HERC2: variants seen among roughly 807,000 people sequenced by gnomAD.
HERC2 encodes the protein HECT and RLD domain containing E3 ubiquitin protein ligase 2.
HERC2 carries 102 observed loss-of-function variants against 537.7 expected under a neutral mutation model. The observed-to-expected ratio is 0.19, with a 90% CI of 0.16 to 0.22. The LOEUF is 0.22. Ranked by LOEUF, HERC2 falls within the 10% of genes least tolerant of loss-of-function variation. The probability of loss-of-function intolerance (pLI) is 1.00; values close to 1 mark genes in which losing one functional copy is unlikely to be tolerated. For missense variants in HERC2, 4,236 were observed against 6,198.2 expected (o/e 0.68, Z 10.63); for synonymous variants, 2,224 against 2,466.2 (o/e 0.90, Z 2.91).
At chr15:28,317,639 G>A (rs1424037628) in intron 2 of HERC2, among the ~76,000 whole-genome samples, 1 of 152,218 alleles carries the variant, frequency 6.6e-6, no homozygotes, top group East Asian at 1.9e-4. Context: ...TGGTTGTCAG[G>A]AGTTAGAGAT....
intron 53 of HERC2, among the ~76,000 whole-genome samples, 165 bp from the exon 54 acceptor site, chr15:28,191,409 C>T (rs555584761): frequency 1.3e-5 from 2 of 152,272 alleles, no homozygotes; most frequent in African/African-American, 2.4e-5. Context: ...GAATATTCTA[C>T]GCCATTCTTT....
rs779514776 is a variant in HERC2 at position 28,304,165 on chromosome 15, CAAAAAAAAAAAAAAAAA to C, written c.73-4666_73-4650del. Among the ~76,000 whole-genome samples the C allele has an allele frequency of 1.3e-3, 86 of 63,824 alleles. 2 individuals carry two copies. Among genetic ancestry groups the C allele is most frequent in the Middle Eastern group, 0.018 (1 of 56 alleles). The allele number at this position is 63,824 out of a possible 152,430, so 41.9% of individuals were successfully genotyped here. A position where few individuals can be genotyped will look rare whatever the true frequency, so the allele number is the denominator to read the frequency against. ...TGGGCCACAGAGTGAGACTCCATCT[CAAAAAAAAAAAAAAAAA>C]AAAAAAAAAACAGAGAAATGCTACA... is the stretch of plus-strand genomic sequence containing the variant. On this transcript the variant is annotated intron_variant, in intron 2 of 92. Coordinates refer to ENST00000261609, the MANE Select transcript of HERC2 (RefSeq NM_004667.6).
rs528026178 is a variant in HERC2 at position 28,223,112 on chromosome 15, T to C, written c.5465-897A>G. Among the ~76,000 whole-genome samples the C allele has an allele frequency of 7.9e-5, 12 of 152,240 alleles. No homozygotes were observed. The South Asian group carries it at 1.0e-3, about 13-fold the overall frequency. The stretch of plus-strand genomic sequence containing the variant: ...GGGTGGTCTTGGAGACCCCTGACAA[T>C]TGGTGCCCTGGGTGGCTACAGAGTC... On this transcript the variant is annotated intron_variant, in intron 35 of 92. Transcript: ENST00000261609.
intron 69 of HERC2, among the ~76,000 whole-genome samples, chr15:28,156,728 T>C (rs187564391): frequency 1.9e-4 from 29 of 152,360 alleles, no homozygotes; most frequent in African/African-American, 4.8e-4. Flanking sequence ...CTTGTTCTAA[T>C]TGAATACCCT....
intron 69 of HERC2, among the ~76,000 whole-genome samples, chr15:28,154,236 T>C (rs1892756404): frequency 6.6e-6 from 1 of 152,230 alleles, no homozygotes; most frequent in Non-Finnish European, 1.5e-5. Flanking sequence ...AGATTATTCT[T>C]TTTTCTATTA....
chr15:28,293,100 C>T, intron 3 of HERC2, 78 bp from the exon 4 acceptor site: 4 of 1,315,110 alleles, frequency 3.0e-6, no homozygotes, highest in South Asian at 2.8e-5. Flanking sequence ...TGTCCCTCCC[C>T]GAAAAGTTAC....
At chr15:28,280,502 A>AG (rs2075993378) in intron 4 of HERC2, among the ~76,000 whole-genome samples, 1 of 152,188 alleles carries the variant, frequency 6.6e-6, no homozygotes, top group African/African-American at 2.4e-5. Flanking sequence ...GAAGAAACTG[A>AG]GGCACCAAGT....
intron 30 of HERC2, among the ~76,000 whole-genome samples, chr15:28,230,772 G>A (rs551835651): frequency 2.0e-5 from 3 of 151,826 alleles, no homozygotes; most frequent in East Asian, 4.0e-4. Context: ...GTGAACATTT[G>A]AGTCTTTCAG....
chr15:28,151,788 C>A (rs1892481815), intron 70 of HERC2, among the ~76,000 whole-genome samples: 1 of 151,546 alleles, frequency 6.6e-6, no homozygotes, highest in South Asian at 2.1e-4. Context: ...AAACAGGTCA[C>A]CTTCAAGAAA....
chr15:28,289,304 G>T (rs1431049837), intron 4 of HERC2, among the ~76,000 whole-genome samples: 1 of 152,138 alleles, frequency 6.6e-6, no homozygotes, highest in Non-Finnish European at 1.5e-5. Context: ...AAGGAGAGTA[G>T]TCAGACCAAG....
At chr15:28,294,052 A>G (rs1300103311) in intron 3 of HERC2, among the ~76,000 whole-genome samples, 2 of 152,216 alleles carry the variant, frequency 1.3e-5, no homozygotes, top group African/African-American at 4.8e-5. Flanking sequence ...AATAATGACT[A>G]TCTAAAAATC....
chr15:28,214,883 ATTTTTTT>A lies in HERC2; in HGVS notation c.6211-88_6211-82del, dbSNP rs900510035. On this transcript the variant is annotated intron_variant, in intron 39 of 92. Transcript: ENST00000261609. ...ACAGATTGTTATTTTTTTATTTTTTATTTTTTTGAGACAGAGTCTCACACTGTCACCC... is the reference window on the plus strand; with the variant it reads ...ACAGATTGTTATTTTTTTATTTTTTAGAGACAGAGTCTCACACTGTCACCC... 7 of 1,266,626 alleles carry A rather than the reference ATTTTTTT, an allele frequency of 5.5e-6. No homozygotes were observed. The African/African-American group carries it at 1.1e-4, about 19-fold the overall frequency. The allele number at this position is 1,266,626 out of a possible 1,614,324, so 78.5% of individuals were successfully genotyped here. A position where few individuals can be genotyped will look rare whatever the true frequency, so the allele number is the denominator to read the frequency against.
intron 55 of HERC2, 32 bp downstream of exon 55, chr15:28,190,933 C>T: frequency 7.0e-7 from 1 of 1,428,640 alleles, no homozygotes; most frequent in Non-Finnish European, 9.9e-7. Flanking sequence ...ATCTGTAAAT[C>T]ATCCAAATGG....
At chr15:28,266,022 T>C (rs2075558410) in intron 12 of HERC2, 48 bp from the exon 13 acceptor site, 3 of 1,593,812 alleles carry the variant, frequency 1.9e-6, no homozygotes, top group Middle Eastern at 3.4e-4. Context: ...CTTGGTGTTA[T>C]TTCTTATTAA....
At chr15:28,140,012 G>A (rs1891046442) in intron 78 of HERC2, among the ~76,000 whole-genome samples, 1 of 151,474 alleles carries the variant, frequency 6.6e-6, no homozygotes, top group African/African-American at 2.4e-5. Context: ...AGGTTGTAGT[G>A]AGCCGAGACT....
At chr15:28,269,555 C>G in intron 10 of HERC2, 119 bp from the exon 11 acceptor site, 3 of 757,052 alleles carry the variant, frequency 4.0e-6, no homozygotes, top group African/African-American at 1.8e-5. Context: ...TATGCTGATT[C>G]AAAACATCAA....
intron 2 of HERC2, among the ~76,000 whole-genome samples, chr15:28,300,037 A>G (rs928556649): frequency 1.4e-5 from 2 of 145,110 alleles, no homozygotes; most frequent in African/African-American, 2.5e-5. Flanking sequence ...GAGTGACAAG[A>G]GCGAGACTCG....
At chr15:28,306,713 G>A (rs1017886613) in intron 2 of HERC2, among the ~76,000 whole-genome samples, 5 of 152,192 alleles carry the variant, frequency 3.3e-5, no homozygotes, top group African/African-American at 1.2e-4. Context: ...GTTTTTCTTT[G>A]CTGGAAGACT....
chr15:28,249,130 G>C (rs956023827), intron 20 of HERC2, among the ~76,000 whole-genome samples: 1 of 152,172 alleles, frequency 6.6e-6, no homozygotes, highest in African/African-American at 2.4e-5. Flanking sequence ...TGACCCTCTA[G>C]AAAGAACAAA....
Sources: gnomAD v4.1 joint callset for allele counts (sites outside exome capture counted in the v4.1 genomes callset) on GRCh38, gnomAD v4.1.1 for gene constraint, MANE v1.5 for transcripts, NCBI Gene and HGNC (gene_info 2026-07-23, HGNC 2026-07-21) for gene names.